MAN1C1: variants seen among roughly 807,000 people sequenced by gnomAD.
MAN1C1 encodes mannosidase alpha class 1C member 1.
Under a neutral mutation model 71.5 loss-of-function variants are expected in MAN1C1, and 49 were observed. The observed-to-expected ratio is 0.69, with a 90% CI of 0.54 to 0.87. MAN1C1 has a LOEUF of 0.87. MAN1C1 is among the 40% of genes least tolerant of loss of function. The pLI, the probability that MAN1C1 is intolerant of heterozygous loss-of-function variation, is 0.00. For synonymous variants in MAN1C1, 352 were observed against 343.7 expected (o/e 1.02, Z -0.27); for missense variants, 743 against 835.0 (o/e 0.89, Z 1.36).
chr1:25,675,380 T>C (rs2046049551), intron 1 of MAN1C1, among the ~76,000 whole-genome samples: 1 of 152,230 alleles, frequency 6.6e-6, no homozygotes, highest in African/African-American at 2.4e-5. Context: ...AATAAGAGCC[T>C]TCAGCTCCTT....
intron 1 of MAN1C1, among the ~76,000 whole-genome samples, chr1:25,673,740 A>C (rs2124139626): frequency 6.6e-6 from 1 of 152,298 alleles, no homozygotes; most frequent in East Asian, 1.9e-4. Context: ...ACATGCATAC[A>C]AAAGCACTTA....
intron 7 of MAN1C1, among the ~76,000 whole-genome samples, chr1:25,768,548 A>C (rs199615323): frequency 4.6e-4 from 9 of 19,776 alleles, no homozygotes; most frequent in East Asian, 3.9e-3. Context: ...CACACACACC[A>C]CACACACATT....
At chr1:25,687,430 T>G (rs976485950) in intron 2 of MAN1C1, among the ~76,000 whole-genome samples, 1 of 152,128 alleles carries the variant, frequency 6.6e-6, no homozygotes. Flanking sequence ...CAGCCTGGCC[T>G]CCATCTCCCC....
intron 1 of MAN1C1, among the ~76,000 whole-genome samples, chr1:25,620,921 A>T (rs1442242676): frequency 1.3e-5 from 2 of 152,226 alleles, no homozygotes; most frequent in Non-Finnish European, 2.9e-5. Context: ...ACACTCTGTC[A>T]CTAGAACCAA....
intron 1 of MAN1C1, among the ~76,000 whole-genome samples, chr1:25,684,446 G>T (rs2046199809): frequency 6.6e-6 from 1 of 152,234 alleles, no homozygotes; most frequent in Admixed American, 6.5e-5. Context: ...CTGGGGGGGT[G>T]TCAGCTGCCC....
intron 2 of MAN1C1, among the ~76,000 whole-genome samples, chr1:25,744,406 C>T (rs2047100230): frequency 6.6e-6 from 1 of 152,190 alleles, no homozygotes; most frequent in African/African-American, 2.4e-5. Flanking sequence ...TGGAAATTCA[C>T]TTCAGCCCAA....
chr1:25,650,124 A>G (rs914461453), intron 1 of MAN1C1, among the ~76,000 whole-genome samples: 12 of 152,226 alleles, frequency 7.9e-5, no homozygotes, highest in African/African-American at 2.9e-4. Flanking sequence ...TCCCATGTCC[A>G]CAGCTCTGCA....
At chr1:25,619,424 A>G (rs1003619077) in intron 1 of MAN1C1, among the ~76,000 whole-genome samples, 3 of 152,216 alleles carry the variant, frequency 2.0e-5, no homozygotes, top group African/African-American at 7.2e-5. Flanking sequence ...GGCAGCAAGG[A>G]TCAGGACCTG....
chr1:25,654,532 GTGCTTTCTTTA>G (rs968843412), intron 1 of MAN1C1, among the ~76,000 whole-genome samples: 42 of 152,284 alleles, frequency 2.8e-4, no homozygotes, highest in African/African-American at 1.0e-3. Context: ...CCAAATAACT[GTGCTTTCTTTA>G]TGCTTTGCTT....
chr1:25,641,914 A>G (rs2045543439), intron 1 of MAN1C1, among the ~76,000 whole-genome samples: 1 of 152,206 alleles, frequency 6.6e-6, no homozygotes, highest in Non-Finnish European at 1.5e-5. Context: ...AACACCTACC[A>G]TCTATTGAGT....
intron 1 of MAN1C1, among the ~76,000 whole-genome samples, chr1:25,624,967 AATTT>A (rs1398168342): frequency 6.7e-6 from 1 of 148,532 alleles, no homozygotes; most frequent in Non-Finnish European, 1.5e-5. Context: ...ATTTAAGTAT[AATTT>A]ATTAATACAT....
intron 1 of MAN1C1, chr1:25,645,252 C>T (rs1403953285): frequency 6.6e-6 from 1 of 152,472 alleles, no homozygotes. Flanking sequence ...CTCACCATTC[C>T]ACCTCTGCCA....
intron 2 of MAN1C1, among the ~76,000 whole-genome samples, chr1:25,724,116 C>T (rs182856962): frequency 2.4e-4 from 36 of 151,966 alleles, no homozygotes; most frequent in African/African-American, 7.7e-4. Context: ...GCAACCTCCG[C>T]CTCCCGGGTT....
chr1:25,780,935 C>A lies in MAN1C1; in HGVS notation c.1478-5C>A, dbSNP rs762428002. ...CCTGGGCCCTCTGCTTGGCTGTTTC[C>A]CCAGACACCAAACTTGGGCCTGAGG... On this transcript the variant is annotated splice_region_variant and splice_polypyrimidine_tract_variant and intron_variant, in intron 9 of 11. Transcript: ENST00000374332. 7.4e-6 allele frequency: 12 copies of A among 1,613,398 alleles called. No individual in the cohort carries two copies. The South Asian group carries it at 1.3e-4, about 18-fold the overall frequency.
intron 4 of MAN1C1, among the ~76,000 whole-genome samples, chr1:25,752,293 C>T (rs1324039779): frequency 5.3e-5 from 8 of 152,126 alleles, no homozygotes; most frequent in Non-Finnish European, 1.2e-4. Flanking sequence ...CAAGGTGCAG[C>T]GAGGTTTCCT....
At chr1:25,733,380 C>T (rs562297830) in intron 2 of MAN1C1, among the ~76,000 whole-genome samples, 1 of 152,258 alleles carries the variant, frequency 6.6e-6, no homozygotes, top group South Asian at 2.1e-4. Flanking sequence ...CCTCCACCCC[C>T]TCACTGCCCA....
At chr1:25,665,440 A>C (rs1327558560) in intron 1 of MAN1C1, among the ~76,000 whole-genome samples, 1 of 152,222 alleles carries the variant, frequency 6.6e-6, no homozygotes, top group Non-Finnish European at 1.5e-5. Context: ...TAACCAGAAT[A>C]GTTCTTACAC....
At chr1:25,760,098 C>A (rs1319297203) in intron 6 of MAN1C1, 1 of 152,210 alleles carries the variant, frequency 6.6e-6, no homozygotes, top group Admixed American at 6.5e-5. Flanking sequence ...CTGACCAGCT[C>A]CGAATGGAGT....
In MAN1C1 at chr1:25,782,706, C is replaced by T; in HGVS notation, c.1766+6C>T. 7.5e-6 allele frequency: 12 copies of T among 1,604,110 alleles called. No homozygotes were observed. The highest frequency in any genetic ancestry group is 1.0e-5 in the Non-Finnish European group (12 of 1,170,944). ...TTTCTAGCGGAGACACTAAAGTGAG[C>T]AGTGTGGGCTCTTCCTAGGGATGGA... On this transcript the variant is annotated splice_donor_region_variant and intron_variant, in intron 11 of 11. Transcript: ENST00000374332. This position sits in a 1 kb window ranked among gnomAD's most constrained non-coding sequence, Gnocchi z 4.4.
Sources: gnomAD v4.1 joint callset for allele counts (sites outside exome capture counted in the v4.1 genomes callset) on GRCh38, gnomAD v4.1.1 for gene constraint, Gnocchi (gnomAD v3.1) non-coding constraint, MANE v1.5 for transcripts, NCBI Gene and HGNC (gene_info 2026-07-23, HGNC 2026-07-21) for gene names.